Variants in DLGAP2 observed in about 807,000 individuals in gnomAD.
DLGAP2 encodes disks large-associated protein 2.
In DLGAP2, 26 loss-of-function variants were observed where a neutral mutation model predicts 100.3. That is an observed-to-expected ratio of 0.26 (90% CI 0.19 to 0.36). DLGAP2 has a LOEUF of 0.36. Among genes scored for constraint, DLGAP2 ranks in the 10% least tolerant of loss-of-function variants. DLGAP2 has a pLI of 1.00. For synonymous variants in DLGAP2, 886 were observed against 630.1 expected (o/e 1.41, Z -6.08); for missense variants, 1,858 against 1,453.2 (o/e 1.28, Z -4.53).
intron 1 of DLGAP2, among the ~76,000 whole-genome samples, chr8:818,190 T>C (rs962328020): frequency 2.0e-5 from 3 of 152,088 alleles, no homozygotes; most frequent in African/African-American, 4.8e-5. Context: ...CTGTGGGGGA[T>C]GGACATGTGG....
intron 2 of DLGAP2, among the ~76,000 whole-genome samples, chr8:1,069,087 C>A (rs936431123): frequency 1.8e-4 from 27 of 152,234 alleles, no homozygotes; most frequent in Admixed American, 1.5e-3. Flanking sequence ...CTGCACTAGA[C>A]ACACATTTAT....
chr8:1,451,934 C>T (rs1300651583), intron 3 of DLGAP2, among the ~76,000 whole-genome samples: 2 of 152,258 alleles, frequency 1.3e-5, no homozygotes, highest in African/African-American at 2.4e-5. Flanking sequence ...TGCTCTCTTC[C>T]GTGTTATCTG....
At chr8:937,909 A>T (rs11777063) in intron 2 of DLGAP2, among the ~76,000 whole-genome samples, 1 of 152,010 alleles carries the variant, frequency 6.6e-6, no homozygotes, top group Admixed American at 6.5e-5. Flanking sequence ...TGCCTGGGGT[A>T]GGGGGACAGG....
intron 1 of DLGAP2, among the ~76,000 whole-genome samples, chr8:854,981 A>G (rs1472809090): frequency 6.6e-6 from 1 of 152,218 alleles, no homozygotes; most frequent in African/African-American, 2.4e-5. Context: ...CAGGTTAAAA[A>G]AGAAAGAGGT....
chr8:814,178 A>G (rs575273923), intron 1 of DLGAP2, among the ~76,000 whole-genome samples: 1 of 152,310 alleles, frequency 6.6e-6, no homozygotes, highest in African/African-American at 2.4e-5. Context: ...TCCCATCAAA[A>G]TCAATAGAGG....
chr8:1,160,321 G>A (rs1288238941), intron 2 of DLGAP2, among the ~76,000 whole-genome samples: 1 of 152,198 alleles, frequency 6.6e-6, no homozygotes, highest in Non-Finnish European at 1.5e-5. Flanking sequence ...GGTTAGCAGG[G>A]TCCTTCTGGA....
At chr8:1,582,653 A>T (rs769335265) in intron 6 of DLGAP2, among the ~76,000 whole-genome samples, 1 of 152,150 alleles carries the variant, frequency 6.6e-6, no homozygotes, top group South Asian at 2.1e-4. Context: ...GTGGTGGCAC[A>T]GTCTCAGCTC....
At chr8:994,937 A>G (rs189755875) in intron 2 of DLGAP2, among the ~76,000 whole-genome samples, 2 of 152,320 alleles carry the variant, frequency 1.3e-5, no homozygotes, top group East Asian at 1.9e-4. Flanking sequence ...CAACGGTGGT[A>G]CAGTTGGCAT....
intron 12 of DLGAP2, among the ~76,000 whole-genome samples, chr8:1,684,745 A>C (rs2130866189): frequency 6.7e-6 from 1 of 150,044 alleles, no homozygotes; most frequent in African/African-American, 2.5e-5. Context: ...ATTATGTCAA[A>C]CCAAATGGGT....
intron 2 of DLGAP2, among the ~76,000 whole-genome samples, chr8:1,083,795 A>G (rs1426262283): frequency 6.6e-6 from 1 of 152,210 alleles, no homozygotes; most frequent in East Asian, 1.9e-4. Flanking sequence ...TATCAAAACT[A>G]TGAATGTACC....
chr8:1,615,379 G>C (rs1342517014), intron 6 of DLGAP2, among the ~76,000 whole-genome samples: 2 of 152,184 alleles, frequency 1.3e-5, no homozygotes, highest in Admixed American at 1.3e-4. Flanking sequence ...TCTGCCAGTC[G>C]TGTCCTTTAT....
chr8:824,235 T>C (rs1796643876), intron 1 of DLGAP2, among the ~76,000 whole-genome samples: 1 of 152,056 alleles, frequency 6.6e-6, no homozygotes, highest in Non-Finnish European at 1.5e-5. Context: ...CCACCATGCC[T>C]GGCTAATTTT....
At chr8:1,240,013 T>A (rs1798749994) in intron 2 of DLGAP2, among the ~76,000 whole-genome samples, 1 of 151,246 alleles carries the variant, frequency 6.6e-6, no homozygotes, top group African/African-American at 2.4e-5. Flanking sequence ...GCATCGTGTC[T>A]AGTTCTCTCA....
chr8:777,312 A>G (rs1763734205), intron 1 of DLGAP2, among the ~76,000 whole-genome samples: 1 of 151,516 alleles, frequency 6.6e-6, no homozygotes, highest in Non-Finnish European at 1.5e-5. Flanking sequence ...CCAATTTGCC[A>G]GTCTGTGTCT....
chr8:1,100,973 G>C (rs763905499), intron 2 of DLGAP2, among the ~76,000 whole-genome samples: 1 of 152,148 alleles, frequency 6.6e-6, no homozygotes, highest in Non-Finnish European at 1.5e-5. Context: ...TCTTTTACCC[G>C]CATCACCTGC....
chr8:1,119,488 C>A (rs1028945093), intron 2 of DLGAP2, among the ~76,000 whole-genome samples: 2 of 152,174 alleles, frequency 1.3e-5, no homozygotes, highest in African/African-American at 4.8e-5. Context: ...GCACAAGGCC[C>A]ATTGCTTCTC....
rs988863763 is a variant in DLGAP2, at chr8:1,423,640, T to C, written c.107-77726T>C. Among the ~76,000 whole-genome samples, 4 of 152,306 alleles carry C rather than the reference T, an allele frequency of 2.6e-5. No individual in the cohort carries two copies. In the East Asian group the frequency reaches 5.8e-4, roughly 22 times the overall value. On this transcript the variant is annotated intron_variant, in intron 3 of 14. Transcript: ENST00000637795. ...GCTGCTGGGACCTGCTGCTCCCTTA[T>C]TGAACTCTTGGAGGAATTGCTCTGT...
chr8:1,450,656 C>G (rs1327767690), intron 3 of DLGAP2, among the ~76,000 whole-genome samples: 1 of 152,072 alleles, frequency 6.6e-6, no homozygotes, highest in Non-Finnish European at 1.5e-5. Context: ...CATTCCCACT[C>G]TGCAATTATG....
chr8:1,434,146 T>C (rs994611770), intron 3 of DLGAP2, among the ~76,000 whole-genome samples: 3 of 152,032 alleles, frequency 2.0e-5, no homozygotes, highest in Non-Finnish European at 2.9e-5. Context: ...GGGTTTCGCA[T>C]TGGAGGATTA....
Sources: allele counts gnomAD v4.1 joint callset (sites outside exome capture counted in the v4.1 genomes callset), GRCh38; gene constraint gnomAD v4.1.1; transcripts MANE v1.5; gene names NCBI Gene and HGNC (gene_info 2026-07-23, HGNC 2026-07-21).